TENM3: variants seen among roughly 807,000 people sequenced by gnomAD.
TENM3 encodes the protein teneurin-3.
TENM3 carries 63 observed loss-of-function variants against 255.1 expected under a neutral mutation model. The ratio of observed to expected loss-of-function variants is 0.25; its 90% CI spans 0.20 to 0.30. The LOEUF (loss-of-function observed/expected upper bound fraction) is 0.30, where lower values mean the gene tolerates loss of function less well. TENM3 is among the 10% of genes least tolerant of loss of function. TENM3 has a pLI of 1.00. For missense variants in TENM3, 2,929 were observed against 3,461.1 expected (o/e 0.85, Z 3.86); for synonymous variants, 1,306 against 1,322.3 (o/e 0.99, Z 0.27).
At chr4:181,695,802 C>T in the TENM3 span, among the ~76,000 whole-genome samples, 1 of 152,116 alleles carries the variant, frequency 6.6e-6, no homozygotes, top group Non-Finnish European at 1.5e-5. Flanking sequence ...TTTGAAACCG[C>T]TGATCTACCA....
chr4:181,691,714 T>C, the TENM3 span, among the ~76,000 whole-genome samples: 6 of 152,158 alleles, frequency 3.9e-5, no homozygotes, highest in African/African-American at 1.4e-4. Flanking sequence ...CTTAAAAATA[T>C]ACCCTGTGTG....
the TENM3 span, among the ~76,000 whole-genome samples, chr4:182,014,316 C>A: frequency 6.6e-6 from 1 of 151,864 alleles, no homozygotes; most frequent in East Asian, 1.9e-4. Flanking sequence ...CAAGGTTAGC[C>A]TATATATGGT....
intron 3 of TENM3, among the ~76,000 whole-genome samples, chr4:182,527,553 TG>T (rs954025565): frequency 1.4e-4 from 22 of 152,206 alleles, no homozygotes; most frequent in African/African-American, 5.3e-4. Flanking sequence ...TTTTACCCTG[TG>T]TAAGATGTAA....
chr4:182,577,881 AT>A (rs1179698607), intron 3 of TENM3, among the ~76,000 whole-genome samples: 3 of 152,230 alleles, frequency 2.0e-5, no homozygotes, highest in East Asian at 1.9e-4. Flanking sequence ...CTGAAATCTA[AT>A]TTATTGCCTT....
In TENM3 at chr4:182,673,090, T is replaced by C. The variant is rs192736990; in HGVS notation, c.1197T>C (p.Pro399=). 13,395 of 1,612,876 alleles carry C rather than the reference T, an allele frequency of 8.3e-3. 77 individuals are homozygous for C. Among genetic ancestry groups the C allele is most frequent in the Middle Eastern group, 0.01 (62 of 6,062 alleles). The change falls in exon 7 of 28, where the codon CCT becomes CCC. Residue 399 remains proline, a synonymous_variant. Transcript: ENST00000511685. ...GCCGAAGAGCAATTCAAGAGATTCC[T>C]CCCGGGATCTTCTGGAGATCACAGC... is the stretch of plus-strand genomic sequence containing the variant. The part of the protein sequence containing the change: ...DIGRRAIQEI[P]PGIFWRSQLF...
chr4:181,769,425 C>T, the TENM3 span, among the ~76,000 whole-genome samples: 1 of 152,168 alleles, frequency 6.6e-6, no homozygotes, highest in South Asian at 2.1e-4. Context: ...CTGGGTAAGC[C>T]TCAGTGTCAC....
At chr4:182,648,608 A>G (rs1329192685) in intron 5 of TENM3, among the ~76,000 whole-genome samples, 3 of 152,116 alleles carry the variant, frequency 2.0e-5, no homozygotes, top group African/African-American at 7.2e-5. Context: ...TTTAAGTATA[A>G]TATACATTTA....
At chr4:181,549,297 A>G in the TENM3 span, among the ~76,000 whole-genome samples, 6 of 152,334 alleles carry the variant, frequency 3.9e-5, no homozygotes, top group East Asian at 9.7e-4. Flanking sequence ...ACTGCTGGCA[A>G]TCGCCAGGAG....
At chr4:182,616,477 C>G (rs1295316099) in intron 4 of TENM3, among the ~76,000 whole-genome samples, 1 of 123,350 alleles carries the variant, frequency 8.1e-6, no homozygotes, top group Non-Finnish European at 1.6e-5. Context: ...ACATATGTAA[C>G]TAACCTGCAC....
the TENM3 span, among the ~76,000 whole-genome samples, chr4:181,765,652 C>T: frequency 6.6e-6 from 1 of 152,102 alleles, no homozygotes; most frequent in South Asian, 2.1e-4. Context: ...GCTAAGCTTC[C>T]CTTCGGTCAT....
the TENM3 span, among the ~76,000 whole-genome samples, chr4:181,821,297 CA>C: frequency 6.6e-6 from 1 of 152,072 alleles, no homozygotes; most frequent in African/African-American, 2.4e-5. Flanking sequence ...CCGCTTGCTC[CA>C]AAAAAGCCCT....
chr4:182,323,494 C>G (rs1323980989), intron 1 of TENM3, among the ~76,000 whole-genome samples: 1 of 149,920 alleles, frequency 6.7e-6, no homozygotes, highest in Admixed American at 6.6e-5. Flanking sequence ...TGTTCCTGCT[C>G]TTTAGAATAC....
At chr4:181,928,041 C>T in the TENM3 span, among the ~76,000 whole-genome samples, 1 of 152,062 alleles carries the variant, frequency 6.6e-6, no homozygotes, top group Non-Finnish European at 1.5e-5. Flanking sequence ...ACATCAAAGA[C>T]CAAAAGTAGA....
chr4:182,641,609 C>A (rs1752322257), intron 5 of TENM3, among the ~76,000 whole-genome samples: 2 of 151,442 alleles, frequency 1.3e-5, no homozygotes, highest in Non-Finnish European at 2.9e-5. Flanking sequence ...CTCACTGCAA[C>A]CTCCACCTCA....
Position 182,800,409 on chromosome 4 carries a change from A to G in TENM3, c.*58A>G, listed in dbSNP as rs62336284. 0.065 allele frequency: 96,335 copies of G among 1,487,572 alleles called. 3,433 individuals carry two copies. Among genetic ancestry groups the G allele is most frequent in the Middle Eastern group, 0.092 (461 of 5,032 alleles). 92.1% of individuals were successfully genotyped at this position (1,487,572 alleles called of 1,614,324 possible). ...CCTGCCCACATTGTCCTGTGGCACAACCCGAGTGGGACTCTCCAACGCCCA... is the reference window on the plus strand; with the variant it reads ...CCTGCCCACATTGTCCTGTGGCACAGCCCGAGTGGGACTCTCCAACGCCCA... On this transcript the variant is annotated 3_prime_UTR_variant, in exon 28 of 28. Coordinates refer to ENST00000511685, the MANE Select transcript of TENM3 (RefSeq NM_001080477.4).
At chr4:182,204,100 T>A (rs555540468) in intron 1 of TENM3, among the ~76,000 whole-genome samples, 1 of 149,780 alleles carries the variant, frequency 6.7e-6, no homozygotes, top group Non-Finnish European at 1.5e-5. Flanking sequence ...AGTAATGAGT[T>A]GGCTGCGGGG....
chr4:181,586,555 C>A, the TENM3 span, among the ~76,000 whole-genome samples: 7 of 152,120 alleles, frequency 4.6e-5, no homozygotes, highest in African/African-American at 1.2e-4. Context: ...AAAACAAAAC[C>A]AAAGGGCCAG....
At chr4:181,642,986 G>A in the TENM3 span, among the ~76,000 whole-genome samples, 2 of 152,052 alleles carry the variant, frequency 1.3e-5, no homozygotes, top group Admixed American at 6.6e-5. Context: ...TTGGCTATGT[G>A]GGCTCTTCTT....
chr4:182,781,969 C>A (rs1189700675), intron 24 of TENM3, among the ~76,000 whole-genome samples: 2 of 136,846 alleles, frequency 1.5e-5, no homozygotes, highest in African/African-American at 5.4e-5. Flanking sequence ...GTCTTGCTAG[C>A]GGTCTATCAA....
Sources: allele counts gnomAD v4.1 joint callset (sites outside exome capture counted in the v4.1 genomes callset), GRCh38; gene constraint gnomAD v4.1.1; transcripts MANE v1.5; gene names NCBI Gene and HGNC (gene_info 2026-07-23, HGNC 2026-07-21).